The following VAMP4 variants were observed in gnomAD, a reference collection of about 807,000 sequenced individuals.
VAMP4 encodes the protein vesicle associated membrane protein 4.
A neutral mutation model predicts 23.5 loss-of-function variants in VAMP4; 19 were observed. The observed-to-expected ratio is 0.81, with a 90% CI of 0.56 to 1.19. VAMP4 has a LOEUF of 1.19. VAMP4 is among the 50% of genes most tolerant of loss of function. VAMP4 has a pLI of 0.00. For synonymous variants in VAMP4, 31 were observed against 51.0 expected, an observed-to-expected ratio of 0.61 and a Z score of 1.67; for missense variants, 145 against 168.6, an observed-to-expected ratio of 0.86 and a Z score of 0.78.
At chr1:171,731,061 A>AAAG (rs956936533) in intron 2 of VAMP4, among the ~76,000 whole-genome samples, 3 of 151,850 alleles carry the variant, frequency 2.0e-5, no homozygotes, top group Non-Finnish European at 4.4e-5. Flanking sequence ...AAAAACAAAA[A>AAAG]AAGAAGAAGA....
rs1654805324 is a variant in VAMP4, at chr1:171,710,238, T to C, written c.265+476A>G. ...CAAAGATTAATCAGGTATTCAGCCA[T>C]TCACCAAACAATATTTGAGTGGCAA... On this transcript the variant is annotated intron_variant, in intron 5 of 7. Coordinates refer to ENST00000236192, the MANE Select transcript of VAMP4 (RefSeq NM_003762.5). Among the ~76,000 whole-genome samples, 4 of 128,508 alleles carry C rather than the reference T, an allele frequency of 3.1e-5. 1 individual carries two copies. The highest frequency in any genetic ancestry group is 6.6e-5 in the Non-Finnish European group (4 of 60,662). The allele number at this position is 128,508 out of a possible 152,430, so 84.3% of individuals were successfully genotyped here. A position where few individuals can be genotyped will look rare whatever the true frequency, so the allele number is the denominator to read the frequency against.
At chr1:171,718,078 T>C (rs1655075608) in intron 4 of VAMP4, among the ~76,000 whole-genome samples, 1 of 152,164 alleles carries the variant, frequency 6.6e-6, no homozygotes, top group Non-Finnish European at 1.5e-5. Flanking sequence ...AGATGATAAA[T>C]GTGTGTTGTT....
chr1:171,722,804 G>C (rs1655237580), intron 3 of VAMP4, among the ~76,000 whole-genome samples: 1 of 151,900 alleles, frequency 6.6e-6, no homozygotes, highest in Admixed American at 6.6e-5. Flanking sequence ...TTACACTGTT[G>C]ATGGGAGTGT....
At position 171,704,220 on chromosome 1, in the gene VAMP4, C is replaced by A. The variant is rs760168669; in HGVS notation, c.*286G>T. 4.4e-6 allele frequency: 1 copy of A among 228,904 alleles called. No homozygotes were observed. The highest frequency in any genetic ancestry group is 8.5e-6 in the Non-Finnish European group (1 of 117,146). The allele number at this position is 228,904 out of a possible 1,614,324, so 14.2% of individuals were successfully genotyped here. ...AAATATTATAATCAGTGTTTATATA[C>A]ACAAATAATGAACTGGCAAGTATCT... On this transcript the variant is annotated 3_prime_UTR_variant, in exon 8 of 8. Transcript: ENST00000236192.
At chr1:171,706,170 C>T (rs1009217053) in intron 7 of VAMP4, among the ~76,000 whole-genome samples, 197 bp downstream of exon 7, 1 of 151,996 alleles carries the variant, frequency 6.6e-6, no homozygotes, top group African/African-American at 2.4e-5. Context: ...TGTACATATA[C>T]ATATTCACAT....
intron 2 of VAMP4, among the ~76,000 whole-genome samples, chr1:171,733,470 T>C (rs1398974375): frequency 1.3e-5 from 2 of 151,820 alleles, no homozygotes; most frequent in Non-Finnish European, 2.9e-5. Flanking sequence ...AAAATAATAA[T>C]GATAATAGTA....
Position 171,703,233 on chromosome 1 carries a change from C to T in VAMP4, c.*1273G>A, listed in dbSNP as rs1233712278. On this transcript the variant is annotated 3_prime_UTR_variant, in exon 8 of 8. Coordinates refer to ENST00000236192, the MANE Select transcript of VAMP4 (RefSeq NM_003762.5). Reference sequence around the variant, plus strand: ...TTTATTATAAAGCTTCCTCTCCCCACACCTTAGGGGACAATGTATTTTCAC... The same window carrying T: ...TTTATTATAAAGCTTCCTCTCCCCATACCTTAGGGGACAATGTATTTTCAC... 2.0e-5 allele frequency: 3 copies of T among 151,296 alleles called. No individual in the cohort carries two copies. The highest frequency in any genetic ancestry group is 2.1e-4 in the South Asian group (1 of 4,810). 9.4% of individuals were successfully genotyped at this position (151,296 alleles called of 1,614,324 possible).
At chr1:171,740,405 C>A (rs1174002818) in intron 1 of VAMP4, among the ~76,000 whole-genome samples, 1 of 152,208 alleles carries the variant, frequency 6.6e-6, no homozygotes, top group Admixed American at 6.5e-5. Flanking sequence ...CAGGATCTGG[C>A]TTCACGAACC....
intron 4 of VAMP4, among the ~76,000 whole-genome samples, chr1:171,715,834 C>T (rs769408553): frequency 3.7e-4 from 56 of 151,936 alleles, no homozygotes; most frequent in Non-Finnish European, 7.5e-4. Context: ...CATAGGGAAA[C>T]CCCGTCTCTA....
chr1:171,708,672 C>T (rs566624668), intron 6 of VAMP4, among the ~76,000 whole-genome samples: 1 of 148,668 alleles, frequency 6.7e-6, no homozygotes, highest in African/African-American at 2.5e-5. Flanking sequence ...ACCAGCCTGA[C>T]CAACATGGAG....
rs77468561 is a variant in VAMP4, at chr1:171,715,589, T to C, written c.164+3582A>G. 9.9e-3 allele frequency among the ~76,000 whole-genome samples: 1,505 copies of C among 152,300 alleles called. 25 individuals carry two copies. Among genetic ancestry groups the C allele is most frequent in the African/African-American group, 0.035 (1,446 of 41,564 alleles). Reference sequence around the variant, plus strand: ...ATAATCTCTACTTTACTTGTGAGAATTAAATGAGATAGTGTTATTCAAACA... The same window carrying C: ...ATAATCTCTACTTTACTTGTGAGAACTAAATGAGATAGTGTTATTCAAACA... On this transcript the variant is annotated intron_variant, in intron 4 of 7. Coordinates refer to ENST00000236192, the MANE Select transcript of VAMP4 (RefSeq NM_003762.5).
intron 2 of VAMP4, among the ~76,000 whole-genome samples, chr1:171,737,228 T>C (rs754327572): frequency 7.2e-5 from 11 of 152,160 alleles, no homozygotes; most frequent in African/African-American, 1.7e-4. Flanking sequence ...GCCTAGCACA[T>C]AGGAGGTGGT....
intron 7 of VAMP4, among the ~76,000 whole-genome samples, chr1:171,706,156 A>G (rs236899): frequency 0.14 from 20,825 of 152,074 alleles, 1,849 homozygotes; most frequent in Non-Finnish European, 0.2. Flanking sequence ...TCTCTCCATA[A>G]AAATGTACAT....
At position 171,727,116 on chromosome 1, in the gene VAMP4, C is replaced by T. The variant is rs143539366; in HGVS notation, c.113+1408G>A. ...TTAGTTGGGTGTGATGGCACACACC[C>T]GTAGTCCCAGCTACTTGGGAGGCTG... On this transcript the variant is annotated intron_variant, in intron 3 of 7. Coordinates refer to ENST00000236192, the MANE Select transcript of VAMP4 (RefSeq NM_003762.5). Among the ~76,000 whole-genome samples the T allele has an allele frequency of 7.1e-3, 1,072 of 151,278 alleles. 14 individuals carry two copies. The highest frequency in any genetic ancestry group is 0.025 in the African/African-American group (1,021 of 41,226).
chr1:171,721,205 A>G (rs1036242613), intron 3 of VAMP4, among the ~76,000 whole-genome samples: 1 of 152,154 alleles, frequency 6.6e-6, no homozygotes. Flanking sequence ...AAAATGAAAC[A>G]TAATATGAAA....
Position 171,704,550 on chromosome 1 carries a change from T to C in VAMP4, c.398-16A>G. 1.3e-6 allele frequency: 2 copies of C among 1,567,884 alleles called. No individual in the cohort carries two copies. Among genetic ancestry groups the C allele is most frequent in the Non-Finnish European group, 1.7e-6 (2 of 1,153,244 alleles). On this transcript the variant is annotated splice_polypyrimidine_tract_variant and intron_variant, in intron 7 of 7. Transcript: ENST00000236192. The stretch of plus-strand genomic sequence containing the variant: ...ACTATAAGAACTGTAAGAGAAAACA[T>C]GAAAAAAGCAATATATCAACATCAG...
intron 7 of VAMP4, among the ~76,000 whole-genome samples, chr1:171,704,799 T>C (rs1654595350): frequency 6.6e-6 from 1 of 151,994 alleles, no homozygotes; most frequent in Admixed American, 6.6e-5. Context: ...ACTAAAAATT[T>C]TGATAACCTG....
chr1:171,703,392 C>CGTGTGT lies in VAMP4; in HGVS notation c.*1108_*1113dup, dbSNP rs1176104533. On this transcript the variant is annotated 3_prime_UTR_variant, in exon 8 of 8. Transcript: ENST00000236192. ...CGACTGACTGATTATCATATGTGTG[C>CGTGTGT]GTGTGTGTGTGTGTGTGTGTGTGTG... is the stretch of plus-strand genomic sequence containing the variant. 1 of 58,728 alleles carries CGTGTGT rather than the reference C, an allele frequency of 1.7e-5. No individual in the cohort carries two copies. The highest frequency in any genetic ancestry group is 6.6e-5 in the African/African-American group (1 of 15,218). 3.6% of individuals were successfully genotyped at this position (58,728 alleles called of 1,614,324 possible).
At chr1:171,725,936 C>T (rs1211031058) in intron 3 of VAMP4, among the ~76,000 whole-genome samples, 1 of 151,806 alleles carries the variant, frequency 6.6e-6, no homozygotes, top group Non-Finnish European at 1.5e-5. Flanking sequence ...GATCCACCTG[C>T]CTCGGTCTCC....
Sources: gnomAD v4.1 joint callset for allele counts (sites outside exome capture counted in the v4.1 genomes callset) on GRCh38, gnomAD v4.1.1 for gene constraint, MANE v1.5 for transcripts, NCBI Gene and HGNC (gene_info 2026-07-23, HGNC 2026-07-21) for gene names.